The following SH3PXD2A variants were observed in gnomAD, a reference collection of about 807,000 sequenced individuals.
SH3PXD2A encodes SH3 and PX domain-containing protein 2A.
Under a neutral mutation model 115.2 loss-of-function variants are expected in SH3PXD2A, and 32 were observed. The observed-to-expected ratio is 0.28, with a 90% CI of 0.21 to 0.37. The LOEUF (loss-of-function observed/expected upper bound fraction) is 0.37, where lower values mean the gene tolerates loss of function less well. Among genes scored for constraint, SH3PXD2A ranks in the 10% least tolerant of loss-of-function variants. The pLI, the probability that SH3PXD2A is intolerant of heterozygous loss-of-function variation, is 1.00. For synonymous variants in SH3PXD2A, 610 were observed against 629.1 expected (o/e 0.97, Z 0.45); for missense variants, 1,328 against 1,498.7 (o/e 0.89, Z 1.88).
intron 1 of SH3PXD2A, among the ~76,000 whole-genome samples, chr10:103,814,430 T>C (rs2039302741): frequency 1.3e-5 from 2 of 152,162 alleles, no homozygotes; most frequent in African/African-American, 4.8e-5. Context: ...GAAGTTCAAC[T>C]CCAGTTGTCC....
intron 1 of SH3PXD2A, among the ~76,000 whole-genome samples, chr10:103,813,726 T>C (rs7085015): frequency 0.016 from 2,391 of 152,304 alleles, 65 homozygotes; most frequent in African/African-American, 0.055. Flanking sequence ...TGCCAGCTCC[T>C]GGATGTTGTG....
chr10:103,604,300 G>A (rs2036267725), intron 14 of SH3PXD2A, among the ~76,000 whole-genome samples: 1 of 152,228 alleles, frequency 6.6e-6, no homozygotes, highest in South Asian at 2.1e-4. Flanking sequence ...CCTCTCTGCA[G>A]AGCCTTTCCC....
At chr10:103,840,621 A>G (rs905623990) in intron 1 of SH3PXD2A, among the ~76,000 whole-genome samples, 6 of 152,244 alleles carry the variant, frequency 3.9e-5, no homozygotes, top group African/African-American at 1.4e-4. Flanking sequence ...GGTTTCGCGA[A>G]GGACTCTGGA....
chr10:103,776,436 CTGTGTGTGTGTG>C (rs34034863), intron 2 of SH3PXD2A, among the ~76,000 whole-genome samples: 23 of 125,122 alleles, frequency 1.8e-4, no homozygotes, highest in Non-Finnish European at 2.3e-4. Flanking sequence ...GTGTGTGTGT[CTGTGTGTGTGTG>C]TGTGTGTGTG....
intron 6 of SH3PXD2A, among the ~76,000 whole-genome samples, chr10:103,692,786 G>A (rs2037772757): frequency 6.6e-6 from 1 of 152,176 alleles, no homozygotes. Context: ...GGACAGCGAG[G>A]TAGCGGGAGC....
chr10:103,691,587 A>C (rs1214019245), intron 6 of SH3PXD2A, among the ~76,000 whole-genome samples: 2 of 152,086 alleles, frequency 1.3e-5, no homozygotes, highest in Non-Finnish European at 2.9e-5. Flanking sequence ...TCACAGGAGG[A>C]AATGGCCTTC....
intron 1 of SH3PXD2A, among the ~76,000 whole-genome samples, chr10:103,810,837 AACAC>A (rs60455630): frequency 2.0e-5 from 3 of 150,296 alleles, no homozygotes; most frequent in Admixed American, 2.0e-4. Context: ...CAACACACAC[AACAC>A]ACACACACAG....
rs948699089 is a variant in SH3PXD2A at position 103,626,655 on chromosome 10, G to A, written c.718+434C>T. 4.0e-5 allele frequency among the ~76,000 whole-genome samples: 6 copies of A among 151,892 alleles called. No homozygotes were observed. In the South Asian group the frequency reaches 1.0e-3, roughly 26 times the overall value. On this transcript the variant is annotated intron_variant, in intron 9 of 14. Transcript: ENST00000369774. ...AAAAAAAAAAGGAAGGGCTGGGTGC[G>A]GTGGCCCACACCTGTAATTCCAGCA...
chr10:103,602,205 C>T lies in SH3PXD2A; in HGVS notation c.3013G>A (p.Ala1005Thr). ...CALRRNESLT[A>T]TDGLRGVRRN... is the part of the protein sequence containing the mutation. ...CGGACGCCTCGGAGGCCATCAGTGG[C>T]CGTGAGTGACTCATTCCTCCGCAGG... Residue 1005 changes from alanine to threonine, a missense_variant, in exon 15 of 15, where the codon GCC becomes ACC. Coordinates refer to ENST00000369774, the MANE Select transcript of SH3PXD2A (RefSeq NM_001394015.1). 1 of 1,585,740 alleles carries T rather than the reference C, an allele frequency of 6.3e-7. No homozygotes were observed. The highest frequency in any genetic ancestry group is 1.2e-5 in the South Asian group (1 of 86,036).
intron 13 of SH3PXD2A, among the ~76,000 whole-genome samples, chr10:103,607,508 G>A (rs1420360385): frequency 1.7e-4 from 25 of 144,748 alleles, no homozygotes; most frequent in Admixed American, 1.6e-3. Context: ...CCGGCCAGCC[G>A]CCCCGTCCGG....
At chr10:103,670,365 G>A (rs1406633828) in intron 6 of SH3PXD2A, among the ~76,000 whole-genome samples, 1 of 152,208 alleles carries the variant, frequency 6.6e-6, no homozygotes, top group South Asian at 2.1e-4. Context: ...GGGTTGCTGT[G>A]AGAATTAAAT....
chr10:103,622,684 C>T (rs2036625410), intron 9 of SH3PXD2A, 131 bp from the exon 10 acceptor site: 1 of 663,204 alleles, frequency 1.5e-6, no homozygotes, highest in Non-Finnish European at 2.7e-6. Context: ...CAGTCACCAT[C>T]ACCTGGACTG....
intron 5 of SH3PXD2A, among the ~76,000 whole-genome samples, chr10:103,717,529 T>G (rs1332053162): frequency 1.3e-5 from 2 of 152,136 alleles, no homozygotes; most frequent in Admixed American, 6.5e-5. Context: ...AAGAAAAGAA[T>G]GAGGGCGTGG....
intron 8 of SH3PXD2A, among the ~76,000 whole-genome samples, chr10:103,644,738 G>C (rs923122409): frequency 8.5e-5 from 13 of 152,202 alleles, no homozygotes; most frequent in African/African-American, 3.1e-4. Flanking sequence ...GTCCATCAGA[G>C]AAAAGGATAG....
At chr10:103,736,737 C>T in intron 3 of SH3PXD2A, 10 of 1,284,830 alleles carry the variant, frequency 7.8e-6, no homozygotes, top group Non-Finnish European at 1.0e-5. Flanking sequence ...GCACTTGTGA[C>T]CCATTTTGGG....
At chr10:103,738,952 AC>A (rs974433351) in intron 3 of SH3PXD2A, among the ~76,000 whole-genome samples, 1 of 148,922 alleles carries the variant, frequency 6.7e-6, no homozygotes, top group African/African-American at 2.6e-5. Flanking sequence ...GTGCCACCAC[AC>A]CCGGCTGATT....
rs1428008065 is a variant in SH3PXD2A at position 103,758,866 on chromosome 10, C to T, written c.229+8228G>A. 2.6e-5 allele frequency among the ~76,000 whole-genome samples: 4 copies of T among 152,202 alleles called. No homozygotes were observed. In the East Asian group the frequency reaches 7.7e-4, roughly 29 times the overall value. ...AGACCCTATTTTTCCTTCTCCATCACATAGTTTGGCTTTTCCTGACATCCC... is the reference window on the plus strand; with the variant it reads ...AGACCCTATTTTTCCTTCTCCATCATATAGTTTGGCTTTTCCTGACATCCC... On this transcript the variant is annotated intron_variant, in intron 3 of 14. Transcript: ENST00000369774.
At chr10:103,765,642 G>A (rs2038746352) in intron 3 of SH3PXD2A, among the ~76,000 whole-genome samples, 1 of 152,182 alleles carries the variant, frequency 6.6e-6, no homozygotes, top group Non-Finnish European at 1.5e-5. Context: ...GCAAACAGGC[G>A]ACCTTCATGC....
intron 5 of SH3PXD2A, among the ~76,000 whole-genome samples, chr10:103,703,218 G>T (rs1031929229): frequency 6.6e-5 from 10 of 152,226 alleles, no homozygotes; most frequent in African/African-American, 2.4e-4. Context: ...GCATGGCCCT[G>T]GGAGGCCCGG....
Sources: gnomAD v4.1 joint callset for allele counts (sites outside exome capture counted in the v4.1 genomes callset) on GRCh38, gnomAD v4.1.1 for gene constraint, MANE v1.5 for transcripts, NCBI Gene and HGNC (gene_info 2026-07-23, HGNC 2026-07-21) for gene names.